The following UTRN variants were observed in gnomAD, a reference collection of about 807,000 sequenced individuals.
UTRN encodes the protein utrophin.
UTRN carries 283 observed loss-of-function variants against 463.9 expected under a neutral mutation model. That is an observed-to-expected ratio of 0.61 (90% CI 0.55 to 0.67). UTRN has a LOEUF of 0.67. Ranked by LOEUF, UTRN falls within the 30% of genes least tolerant of loss-of-function variation. The pLI, the probability that UTRN is intolerant of heterozygous loss-of-function variation, is 0.00. For missense variants in UTRN, 3,922 were observed against 4,084.3 expected (o/e 0.96, Z 1.08); for synonymous variants, 1,442 against 1,431.5 (o/e 1.01, Z -0.17).
chr6:144,746,726 C>A (rs1790789092), intron 54 of UTRN, among the ~76,000 whole-genome samples: 2 of 152,164 alleles, frequency 1.3e-5, no homozygotes, highest in African/African-American at 4.8e-5. Flanking sequence ...ATCCACCCAC[C>A]TCAGCCTCCC....
intron 41 of UTRN, 137 bp from the exon 42 acceptor site, chr6:144,530,915 G>A: frequency 3.0e-6 from 3 of 993,582 alleles, no homozygotes; most frequent in South Asian, 3.6e-5. Flanking sequence ...AATTGGTTTT[G>A]TGGAGCAATA....
intron 2 of UTRN, among the ~76,000 whole-genome samples, chr6:144,369,497 G>C (rs77181382): frequency 0.016 from 2,484 of 152,280 alleles, 64 homozygotes; most frequent in East Asian, 0.11. Context: ...CGTGCCTCTA[G>C]TCCCAGCTAC....
intron 66 of UTRN, among the ~76,000 whole-genome samples, chr6:144,821,414 T>C (rs1779593584): frequency 6.6e-6 from 1 of 152,062 alleles, no homozygotes; most frequent in Non-Finnish European, 1.5e-5. Flanking sequence ...TTTTATACTC[T>C]TTTTGCATCT....
intron 2 of UTRN, among the ~76,000 whole-genome samples, chr6:144,300,858 C>T (rs544876117): frequency 2.0e-5 from 3 of 152,084 alleles, no homozygotes; most frequent in African/African-American, 2.4e-5. Flanking sequence ...TAAAATACCC[C>T]GAAGCAAATA....
chr6:144,448,797 A>T (rs199986312), intron 17 of UTRN, 28 bp downstream of exon 17: 1 of 1,609,130 alleles, frequency 6.2e-7, no homozygotes, highest in Non-Finnish European at 8.5e-7. Context: ...AATTGTTCAA[A>T]TCCAATATTG....
intron 51 of UTRN, among the ~76,000 whole-genome samples, chr6:144,656,966 A>G (rs892054362): frequency 6.6e-6 from 1 of 152,208 alleles, no homozygotes; most frequent in Non-Finnish European, 1.5e-5. Context: ...AGAAGCTGCC[A>G]TCAGCTGGGT....
chr6:144,764,880 G>A (rs1045363511), intron 58 of UTRN, among the ~76,000 whole-genome samples: 2 of 152,026 alleles, frequency 1.3e-5, no homozygotes, highest in Non-Finnish European at 2.9e-5. Flanking sequence ...CAAACTTAAA[G>A]GATACAATGA....
intron 51 of UTRN, among the ~76,000 whole-genome samples, chr6:144,652,469 G>A (rs1339239857): frequency 6.6e-6 from 1 of 152,076 alleles, no homozygotes; most frequent in African/African-American, 2.4e-5. Context: ...GTAGACTCTG[G>A]CGCTTTCACT....
chr6:144,781,191 G>T (rs1232193558), intron 60 of UTRN, among the ~76,000 whole-genome samples: 1 of 152,188 alleles, frequency 6.6e-6, no homozygotes, highest in African/African-American at 2.4e-5. Context: ...AAGACCAATG[G>T]ATGTGGGGGC....
chr6:144,635,882 T>G (rs1777119914), intron 51 of UTRN, among the ~76,000 whole-genome samples: 1 of 152,140 alleles, frequency 6.6e-6, no homozygotes, highest in Non-Finnish European at 1.5e-5. Context: ...TAATTCACAT[T>G]ATTGAAATAT....
chr6:144,473,488 G>T (rs904433122), intron 23 of UTRN, among the ~76,000 whole-genome samples: 2 of 152,124 alleles, frequency 1.3e-5, no homozygotes, highest in Non-Finnish European at 2.9e-5. Flanking sequence ...AAGAGCTAGC[G>T]TTTGGAAATT....
At chr6:144,680,937 C>T (rs999249309) in intron 52 of UTRN, among the ~76,000 whole-genome samples, 1 of 152,194 alleles carries the variant, frequency 6.6e-6, no homozygotes, top group Non-Finnish European at 1.5e-5. Context: ...ACAAGTCATG[C>T]ACACCTATGT....
chr6:144,522,129 T>C lies in UTRN; in HGVS notation c.5691T>C (p.Thr1897=). ...ELSLNVPELN[T]AIYEDFSFQE... ...CGCTTAATGTTCCAGAGCTCAACAC[T>C]GCTATTTACGAAGACTTCTCTTTTC... Residue 1897 remains threonine, a synonymous_variant, in exon 40 of 75, where the codon ACT becomes ACC. Coordinates refer to ENST00000367545, the MANE Select transcript of UTRN (RefSeq NM_007124.3). 2 of 1,563,810 alleles carry C rather than the reference T, an allele frequency of 1.3e-6. No homozygotes were observed. The highest frequency in any genetic ancestry group is 4.9e-5 in the East Asian group (2 of 40,682).
Position 144,447,967 on chromosome 6 carries a change from A to G in UTRN, c.1902+186A>G, listed in dbSNP as rs6570632. Among the ~76,000 whole-genome samples the G allele has an allele frequency of 0.41, 62,114 of 152,084 alleles. 16,050 individuals carry two copies. The highest frequency in any genetic ancestry group is 0.72 in the African/African-American group (29,800 of 41,490). ...TTTTAATAGATTATCTTAATATCCT[A>G]TAATTTAATTTATAGTAACTGATTA... On this transcript the variant is annotated intron_variant, in intron 16 of 74. Transcript: ENST00000367545.
At chr6:144,542,371 CAG>C (rs1441468465) in intron 45 of UTRN, among the ~76,000 whole-genome samples, 1 of 152,060 alleles carries the variant, frequency 6.6e-6, no homozygotes, top group African/African-American at 2.4e-5. Context: ...AACCAGGACT[CAG>C]GGAGAGCCCA....
intron 58 of UTRN, among the ~76,000 whole-genome samples, chr6:144,766,196 A>G (rs1006562788): frequency 3.9e-5 from 6 of 152,102 alleles, no homozygotes; most frequent in African/African-American, 1.2e-4. Context: ...GGTACTCCAC[A>G]TTCTTCCTAT....
chr6:144,537,959 GT>G (rs1194203345), intron 44 of UTRN, among the ~76,000 whole-genome samples: 3 of 152,130 alleles, frequency 2.0e-5, no homozygotes, highest in Non-Finnish European at 2.9e-5. Context: ...TAGACCAAAG[GT>G]TTTTAGGATA....
At chr6:144,494,921 G>T (rs1793455323) in intron 33 of UTRN, among the ~76,000 whole-genome samples, 1 of 152,056 alleles carries the variant, frequency 6.6e-6, no homozygotes, top group Non-Finnish European at 1.5e-5. Flanking sequence ...GATACAGAGT[G>T]TGGATTGGTG....
chr6:144,581,863 C>G (rs2128626946), intron 51 of UTRN, among the ~76,000 whole-genome samples: 1 of 152,318 alleles, frequency 6.6e-6, no homozygotes, highest in East Asian at 1.9e-4. Flanking sequence ...CCCGCCAATT[C>G]CCTCCCCTCT....
Sources: allele counts gnomAD v4.1 joint callset (sites outside exome capture counted in the v4.1 genomes callset), GRCh38; gene constraint gnomAD v4.1.1; transcripts MANE v1.5; gene names NCBI Gene and HGNC (gene_info 2026-07-23, HGNC 2026-07-21).